HTR1F: variants seen among roughly 807,000 people sequenced by gnomAD.
HTR1F encodes the protein 5-hydroxytryptamine receptor 1F.
A neutral mutation model predicts 24.0 loss-of-function variants in HTR1F; 17 were observed. The ratio of observed to expected loss-of-function variants is 0.71; its 90% CI spans 0.48 to 1.06. The LOEUF (loss-of-function observed/expected upper bound fraction) is 1.06. Among genes scored for constraint, HTR1F ranks in the 50% least tolerant of loss-of-function variants. The pLI, the probability that HTR1F is intolerant of heterozygous loss-of-function variation, is 0.00. For missense variants in HTR1F, 391 were observed against 427.8 expected (o/e 0.91, Z 0.76); for synonymous variants, 186 against 156.8 (o/e 1.19, Z -1.39).
In HTR1F at chr3:87,851,756, T is replaced by G. The variant is rs539936249; in HGVS notation, c.-43+29632T>G. 1.1e-4 allele frequency among the ~76,000 whole-genome samples: 17 copies of G among 151,708 alleles called. No individual in the cohort carries two copies. In the South Asian group the frequency reaches 2.7e-3, roughly 24 times the overall value. On this transcript the variant is annotated intron_variant, in intron 2 of 2. Coordinates refer to ENST00000319595, the MANE Select transcript of HTR1F (RefSeq NM_001322209.2). ...ATGGTATAGGTTTACAGGATTAGCA[T>G]TACCAGGCCTAACCATATGTATTTT...
chr3:87,932,046 T>C (rs1704287672), intron 2 of HTR1F, among the ~76,000 whole-genome samples: 2 of 152,220 alleles, frequency 1.3e-5, no homozygotes, highest in Non-Finnish European at 2.9e-5. Flanking sequence ...CTCTCTAGTT[T>C]AACTAGATCC....
intron 2 of HTR1F, among the ~76,000 whole-genome samples, chr3:87,902,758 C>A (rs1025579933): frequency 8.5e-6 from 1 of 117,620 alleles, no homozygotes. Flanking sequence ...CTCCCCCCAC[C>A]CCACAACAGT....
intron 2 of HTR1F, among the ~76,000 whole-genome samples, chr3:87,932,963 T>G (rs1289932864): frequency 2.0e-5 from 3 of 149,484 alleles, no homozygotes; most frequent in Non-Finnish European, 4.4e-5. Context: ...AATAAAATAC[T>G]GGCAAACCAA....
At chr3:87,809,771 T>A (rs532916971) in intron 1 of HTR1F, among the ~76,000 whole-genome samples, 1 of 152,078 alleles carries the variant, frequency 6.6e-6, no homozygotes, top group African/African-American at 2.4e-5. Flanking sequence ...TAAAAACACA[T>A]GATTGTCCGA....
intron 2 of HTR1F, among the ~76,000 whole-genome samples, chr3:87,987,744 A>T (rs1363860461): frequency 1.4e-5 from 2 of 139,858 alleles, no homozygotes; most frequent in East Asian, 2.0e-4. Context: ...TTATATATAT[A>T]AAATATATGT....
intron 2 of HTR1F, among the ~76,000 whole-genome samples, chr3:87,980,589 G>T (rs141790126): frequency 2.0e-5 from 3 of 152,084 alleles, no homozygotes; most frequent in African/African-American, 7.2e-5. Flanking sequence ...TTGAACATGG[G>T]GTTTCACTGG....
At chr3:87,939,033 A>G (rs1484835757) in intron 2 of HTR1F, among the ~76,000 whole-genome samples, 3 of 152,242 alleles carry the variant, frequency 2.0e-5, no homozygotes, top group Non-Finnish European at 2.9e-5. Flanking sequence ...GCATCTGACA[A>G]AGATCTAATA....
At chr3:87,973,554 T>C (rs1705331933) in intron 2 of HTR1F, among the ~76,000 whole-genome samples, 1 of 152,162 alleles carries the variant, frequency 6.6e-6, no homozygotes, top group East Asian at 1.9e-4. Flanking sequence ...AAAAACACAT[T>C]CACTAATAAA....
chr3:87,917,682 A>G (rs1488152507), intron 2 of HTR1F, among the ~76,000 whole-genome samples: 2 of 152,042 alleles, frequency 1.3e-5, no homozygotes, highest in Non-Finnish European at 1.5e-5. Flanking sequence ...GATACCCTGA[A>G]CAGATGAAAA....
chr3:87,889,850 T>C (rs1377001204), intron 2 of HTR1F, among the ~76,000 whole-genome samples: 4 of 152,234 alleles, frequency 2.6e-5, no homozygotes, highest in African/African-American at 4.8e-5. Context: ...CATTTAGACA[T>C]GATAGCTTTT....
chr3:87,839,024 ATT>A (rs1372260151), intron 2 of HTR1F, among the ~76,000 whole-genome samples: 5 of 124,640 alleles, frequency 4.0e-5, no homozygotes, highest in Admixed American at 8.1e-5. Context: ...TTTTATTTTT[ATT>A]TTTTTTTTTT....
intron 2 of HTR1F, among the ~76,000 whole-genome samples, chr3:87,932,470 G>A (rs7613039): frequency 0.011 from 1,670 of 152,056 alleles, 27 homozygotes; most frequent in African/African-American, 0.037. Context: ...GTTTGAAGAC[G>A]GGTAGTGTGA....
intron 2 of HTR1F, among the ~76,000 whole-genome samples, chr3:87,986,957 T>C (rs1705674687): frequency 6.6e-6 from 1 of 151,962 alleles, no homozygotes; most frequent in African/African-American, 2.4e-5. Context: ...ATATAGAAAA[T>C]TAGCCGGGTG....
At chr3:87,885,756 C>T (rs1375959312) in intron 2 of HTR1F, among the ~76,000 whole-genome samples, 1 of 152,108 alleles carries the variant, frequency 6.6e-6, no homozygotes, top group Non-Finnish European at 1.5e-5. Context: ...TGGATAAATT[C>T]CTGGACACAT....
chr3:87,958,945 C>G (rs755521975), intron 2 of HTR1F, among the ~76,000 whole-genome samples: 1 of 151,742 alleles, frequency 6.6e-6, no homozygotes, highest in Non-Finnish European at 1.5e-5. Context: ...TCTGAACTTT[C>G]AACTGATTGT....
At chr3:87,933,288 T>C (rs557930994) in intron 2 of HTR1F, among the ~76,000 whole-genome samples, 445 of 150,500 alleles carry the variant, frequency 3.0e-3, no homozygotes, top group African/African-American at 0.01. Flanking sequence ...CTTTGAAAAC[T>C]GGCACAAGAC....
chr3:87,933,636 C>A (rs1235692087), intron 2 of HTR1F, among the ~76,000 whole-genome samples: 1 of 152,140 alleles, frequency 6.6e-6, no homozygotes, highest in Admixed American at 6.5e-5. Flanking sequence ...ACTTAGGAAT[C>A]CAACTTGCAA....
chr3:87,841,430 T>C (rs1704800234), intron 2 of HTR1F, among the ~76,000 whole-genome samples: 1 of 151,936 alleles, frequency 6.6e-6, no homozygotes, highest in South Asian at 2.1e-4. Flanking sequence ...TTGCATTATA[T>C]GTTTAACAGG....
Position 87,811,502 on chromosome 3 carries a change from C to T in HTR1F, c.-159-10506C>T, listed in dbSNP as rs571954261. Among the ~76,000 whole-genome samples, 3 of 151,850 alleles carry T rather than the reference C, an allele frequency of 2.0e-5. No homozygotes were observed. The East Asian group carries it at 5.8e-4, about 29-fold the overall frequency. ...CTCAAATGTCAATAGATGAAACAGC[C>T]CTGAAATGTATATAATAGGAAAAGA... On this transcript the variant is annotated intron_variant, in intron 1 of 2. Coordinates refer to ENST00000319595, the MANE Select transcript of HTR1F (RefSeq NM_001322209.2).
Sources: gnomAD v4.1 joint callset for allele counts (sites outside exome capture counted in the v4.1 genomes callset) on GRCh38, gnomAD v4.1.1 for gene constraint, MANE v1.5 for transcripts, NCBI Gene and HGNC (gene_info 2026-07-23, HGNC 2026-07-21) for gene names.